DAB1: variants seen among roughly 807,000 people sequenced by gnomAD.
DAB1 encodes the protein DAB adaptor protein 1, also known as disabled homolog 1.
DAB1 carries 15 observed loss-of-function variants against 64.6 expected under a neutral mutation model. The ratio of observed to expected loss-of-function variants is 0.23; its 90% confidence interval spans 0.16 to 0.36. The LOEUF (loss-of-function observed/expected upper bound fraction) is 0.36. DAB1 is among the 10% of genes least tolerant of loss of function. The probability of loss-of-function intolerance (pLI) is 1.00; values close to 1 mark genes in which losing one functional copy is unlikely to be tolerated. For missense variants in DAB1, 596 were observed against 706.7 expected (o/e 0.84, Z 1.78); for synonymous variants, 235 against 251.9 (o/e 0.93, Z 0.64).
intron 7 of DAB1, among the ~76,000 whole-genome samples, chr1:57,573,219 C>T (rs779573249): frequency 1.3e-5 from 2 of 152,074 alleles, no homozygotes; most frequent in Non-Finnish European, 1.5e-5. Context: ...TTCCAAGTAG[C>T]TAGGACTCAG....
At chr1:57,707,439 G>C (rs1646981862) in intron 6 of DAB1, among the ~76,000 whole-genome samples, 1 of 149,554 alleles carries the variant, frequency 6.7e-6, no homozygotes, top group Non-Finnish European at 1.5e-5. Context: ...GGGGCATTTT[G>C]TTTATTTTTA....
chr1:57,686,989 C>A (rs1646704899), intron 6 of DAB1, among the ~76,000 whole-genome samples: 1 of 152,168 alleles, frequency 6.6e-6, no homozygotes, highest in Non-Finnish European at 1.5e-5. Context: ...TGGGATGAGA[C>A]AGTGATGCCC....
intron 3 of DAB1, among the ~76,000 whole-genome samples, chr1:58,408,761 A>G (rs529431457): frequency 6.6e-6 from 1 of 152,334 alleles, no homozygotes; most frequent in East Asian, 1.9e-4. Context: ...GTTCTTGTTG[A>G]CATTACAAAA....
intron 5 of DAB1, among the ~76,000 whole-genome samples, chr1:58,087,733 GAA>G (rs58033410): frequency 4.6e-5 from 7 of 151,912 alleles, no homozygotes; most frequent in Admixed American, 4.6e-4. Flanking sequence ...GATGGGAAAA[GAA>G]AAGAAAGATC....
chr1:57,428,403 A>C (rs554952999), upstream of DAB1, among the ~76,000 whole-genome samples: 1 of 152,320 alleles, frequency 6.6e-6, no homozygotes, highest in Admixed American at 6.5e-5. Context: ...ACAAATGAGA[A>C]CATGCAGTAT....
intron 1 of DAB1, chr1:57,878,475 G>A (rs1644089459): frequency 6.6e-6 from 1 of 152,112 alleles, no homozygotes; most frequent in Non-Finnish European, 1.5e-5. Context: ...AGATGATCTT[G>A]CATTTGTTTG....
intron 1 of DAB1, among the ~76,000 whole-genome samples, chr1:57,331,391 T>C (rs953594506): frequency 4.6e-5 from 7 of 152,216 alleles, no homozygotes; most frequent in African/African-American, 1.7e-4. Flanking sequence ...TAAAAACTTG[T>C]CTAAGATTCT....
rs1480729493 is a variant in DAB1, at chr1:58,034,637, T to A, written n.387+115874A>T. 3.9e-5 allele frequency among the ~76,000 whole-genome samples: 6 copies of A among 152,280 alleles called. No homozygotes were observed. In the East Asian group the frequency reaches 1.2e-3, roughly 29 times the overall value. On this transcript the variant is annotated intron_variant and non_coding_transcript_variant, in intron 5 of 20. Transcript: ENST00000485760. ...AAATCAGAAAGGAAACAAAAAAGGA[T>A]CAAATATTTCTAGGTTATAGTTCTA...
chr1:58,483,581 A>G (rs1569863057), intron 3 of DAB1, among the ~76,000 whole-genome samples: 4 of 152,230 alleles, frequency 2.6e-5, no homozygotes, highest in Admixed American at 2.6e-4. Context: ...AGATTTCCTT[A>G]TATCTAGTGA....
chr1:58,341,158 G>C (rs1178713823), intron 4 of DAB1, among the ~76,000 whole-genome samples: 14 of 152,128 alleles, frequency 9.2e-5, no homozygotes, highest in Non-Finnish European at 2.1e-4. Flanking sequence ...TGAGGGAGAG[G>C]AGAAATGTGT....
intron 4 of DAB1, among the ~76,000 whole-genome samples, chr1:58,338,649 G>C (rs1469611607): frequency 2.0e-5 from 3 of 152,088 alleles, no homozygotes; most frequent in Non-Finnish European, 4.4e-5. Context: ...TGGTTTTGTA[G>C]GAGTGACAGA....
chr1:57,775,905 TG>T (rs914940133), intron 6 of DAB1, among the ~76,000 whole-genome samples: 1 of 151,762 alleles, frequency 6.6e-6, no homozygotes, highest in African/African-American at 2.4e-5. Flanking sequence ...ACCATCTTTA[TG>T]TTTTTATAAT....
intron 3 of DAB1, among the ~76,000 whole-genome samples, chr1:58,371,679 T>C (rs1276277016): frequency 6.6e-6 from 1 of 152,140 alleles, no homozygotes; most frequent in African/African-American, 2.4e-5. Flanking sequence ...AAAAATGGTT[T>C]TGTGGGCTGG....
At chr1:57,395,734 GC>G (rs1682751564) in intron 1 of DAB1, among the ~76,000 whole-genome samples, 1 of 146,380 alleles carries the variant, frequency 6.8e-6, no homozygotes, top group African/African-American at 2.7e-5. Context: ...GTATCCCATG[GC>G]TACCATATTA....
intron 4 of DAB1, among the ~76,000 whole-genome samples, chr1:58,317,764 AC>A (rs1482994302): frequency 1.3e-5 from 2 of 152,186 alleles, no homozygotes; most frequent in African/African-American, 4.8e-5. Flanking sequence ...TGGACTGAGA[AC>A]CTGCAGAAGA....
Position 57,590,089 on chromosome 1 carries a change from C to T in DAB1, n.625+59503G>A, listed in dbSNP as rs966907392. On this transcript the variant is annotated intron_variant and non_coding_transcript_variant, in intron 7 of 20. Coordinates refer to the DAB1 transcript ENST00000485760. Reference sequence around the variant, plus strand: ...CAACAAAAATTTATTTTTTATGGTTCTGGAGGCTAGAAGTCCAAGATCAAG... The same window carrying T: ...CAACAAAAATTTATTTTTTATGGTTTTGGAGGCTAGAAGTCCAAGATCAAG... Among the ~76,000 whole-genome samples, 5 of 152,094 alleles carry T rather than the reference C, an allele frequency of 3.3e-5. No individual in the cohort carries two copies. The East Asian group carries it at 9.7e-4, about 29-fold the overall frequency.
chr1:57,003,852 C>A (rs1053134109), intron 14 of DAB1, among the ~76,000 whole-genome samples: 1 of 152,162 alleles, frequency 6.6e-6, no homozygotes, highest in Non-Finnish European at 1.5e-5. Context: ...AATATATACA[C>A]CCATGTCAGC....
chr1:57,899,826 C>T (rs529243295), intron 5 of DAB1, among the ~76,000 whole-genome samples: 5 of 152,276 alleles, frequency 3.3e-5, no homozygotes, highest in Admixed American at 6.5e-5. Flanking sequence ...CCTCGGAATG[C>T]ACCAGGCCCA....
intron 1 of DAB1, among the ~76,000 whole-genome samples, chr1:57,870,844 T>C (rs1467165463): frequency 6.6e-6 from 1 of 152,132 alleles, no homozygotes; most frequent in Non-Finnish European, 1.5e-5. Context: ...AACTCACATC[T>C]TGCCAAGTCT....
Sources: allele counts gnomAD v4.1 joint callset (sites outside exome capture counted in the v4.1 genomes callset), GRCh38; gene constraint gnomAD v4.1.1; transcripts MANE v1.5; gene names NCBI Gene and HGNC (gene_info 2026-07-23, HGNC 2026-07-21).